Variants in HDAC9 observed in about 807,000 individuals in gnomAD.
HDAC9 encodes MEF-2 interacting transcription repressor (MITR) protein.
Under a neutral mutation model 139.4 loss-of-function variants are expected in HDAC9, and 41 were observed. The ratio of observed to expected loss-of-function variants is 0.29; its 90% CI spans 0.23 to 0.38. The LOEUF is 0.38. Among genes scored for constraint, HDAC9 ranks in the 10% least tolerant of loss-of-function variants. The pLI, the probability that HDAC9 is intolerant of heterozygous loss-of-function variation, is 1.00. For synonymous variants in HDAC9, 517 were observed against 476.2 expected, an observed-to-expected ratio of 1.09 and a Z score of -1.12; for missense variants, 1,147 against 1,297.0, an observed-to-expected ratio of 0.88 and a Z score of 1.78.
chr7:18,856,974 T>C (rs1037518248), intron 21 of HDAC9, among the ~76,000 whole-genome samples: 1 of 152,146 alleles, frequency 6.6e-6, no homozygotes, highest in Admixed American at 6.6e-5. Flanking sequence ...AGTTATTCAG[T>C]CTGTTCATAT....
intron 1 of HDAC9, among the ~76,000 whole-genome samples, chr7:18,354,749 C>G (rs1044154592): frequency 1.3e-5 from 2 of 152,146 alleles, no homozygotes; most frequent in African/African-American, 4.8e-5. Context: ...AAAACCTGAC[C>G]TCTGTGAAAA....
chr7:18,407,051 C>T (rs923125658), intron 1 of HDAC9, among the ~76,000 whole-genome samples: 5 of 152,070 alleles, frequency 3.3e-5, no homozygotes, highest in African/African-American at 7.2e-5. Context: ...ATAGACCCAG[C>T]TTAGGTATTC....
chr7:18,162,082 G>T lies in HDAC9; in HGVS notation c.-96-147G>T, dbSNP rs1275264103. 9 of 487,292 alleles carry T rather than the reference G, an allele frequency of 1.8e-5. No individual in the cohort carries two copies. The East Asian group carries it at 2.6e-4, about 14-fold the overall frequency. 30.2% of individuals were successfully genotyped at this position (487,292 alleles called of 1,614,324 possible). On this transcript the variant is annotated intron_variant, in intron 1 of 12. Transcript: ENST00000417496. ...TTGCTCTTTTTTAGATGAAGACTTA[G>T]AGACCTGTAAGGTTGATATGACTGC...
intron 2 of HDAC9, among the ~76,000 whole-genome samples, chr7:18,554,788 CTT>C (rs1818288029): frequency 6.6e-6 from 1 of 152,194 alleles, no homozygotes; most frequent in Admixed American, 6.5e-5. Flanking sequence ...AGCTTTCTCT[CTT>C]CTTAGACTGG....
At chr7:18,423,270 T>C (rs1166633108) in intron 1 of HDAC9, among the ~76,000 whole-genome samples, 1 of 152,236 alleles carries the variant, frequency 6.6e-6, no homozygotes, top group African/African-American at 2.4e-5. Context: ...TTTTATTTGC[T>C]GTGATTCTTT....
At chr7:18,167,091 A>G (rs1788060552) in intron 2 of HDAC9, among the ~76,000 whole-genome samples, 1 of 152,266 alleles carries the variant, frequency 6.6e-6, no homozygotes, top group Non-Finnish European at 1.5e-5. Flanking sequence ...CCAGGATAAT[A>G]AAACAAATTA....
chr7:18,563,469 C>A (rs530514396), intron 2 of HDAC9, among the ~76,000 whole-genome samples: 3 of 152,130 alleles, frequency 2.0e-5, no homozygotes, highest in Middle Eastern at 3.4e-3. Flanking sequence ...TTAGTTATTT[C>A]CCCATTTTCC....
At chr7:18,424,252 G>A (rs1005353246) in intron 1 of HDAC9, among the ~76,000 whole-genome samples, 2 of 152,140 alleles carry the variant, frequency 1.3e-5, no homozygotes, top group Admixed American at 1.3e-4. Context: ...GTAGTGAAAA[G>A]AATATAGAGG....
chr7:18,321,878 A>G (rs1022990601), intron 1 of HDAC9, among the ~76,000 whole-genome samples: 13 of 151,834 alleles, frequency 8.6e-5, no homozygotes, highest in African/African-American at 2.9e-4. Flanking sequence ...GAATTTATAT[A>G]AAAAGTAGGG....
intron 1 of HDAC9, among the ~76,000 whole-genome samples, chr7:18,485,296 A>G (rs1354231732): frequency 6.6e-6 from 1 of 152,140 alleles, no homozygotes; most frequent in African/African-American, 2.4e-5. Context: ...ATAGCCCAGC[A>G]TATTCCACCA....
chr7:18,916,031 A>AAAC (rs1803175793), intron 22 of HDAC9, among the ~76,000 whole-genome samples: 2 of 151,492 alleles, frequency 1.3e-5, no homozygotes, highest in African/African-American at 4.8e-5. Context: ...GGAAAAAAAA[A>AAAC]AAAAAAACAG....
intron 17 of HDAC9, among the ~76,000 whole-genome samples, chr7:18,819,689 A>C (rs1455405709): frequency 1.3e-5 from 2 of 152,256 alleles, no homozygotes; most frequent in African/African-American, 4.8e-5. Context: ...GCAAGAAAGT[A>C]GGAATGTGAG....
intron 12 of HDAC9, among the ~76,000 whole-genome samples, chr7:18,705,872 A>G (rs545784086): frequency 0.047 from 6,908 of 146,350 alleles, 930 homozygotes; most frequent in African/African-American, 0.17. Flanking sequence ...AATAAAATAA[A>G]ATAAAATAAA....
intron 1 of HDAC9, among the ~76,000 whole-genome samples, chr7:18,334,455 C>G (rs1357310376): frequency 6.6e-6 from 1 of 151,176 alleles, no homozygotes; most frequent in African/African-American, 2.4e-5. Context: ...TAATATAATC[C>G]TTATTATGTA....
At chr7:18,138,920 A>C (rs1232330183) in intron 1 of HDAC9, among the ~76,000 whole-genome samples, 1 of 152,088 alleles carries the variant, frequency 6.6e-6, no homozygotes, top group Admixed American at 6.6e-5. Flanking sequence ...GAGACATGGT[A>C]ATCTCAACAA....
intron 19 of HDAC9, among the ~76,000 whole-genome samples, chr7:18,833,084 A>G (rs1179909452): frequency 6.6e-6 from 1 of 152,190 alleles, no homozygotes; most frequent in Non-Finnish European, 1.5e-5. Flanking sequence ...GTTCCCCCAA[A>G]CAAAAGACAT....
At chr7:18,307,096 C>CT (rs1798962550) in intron 1 of HDAC9, among the ~76,000 whole-genome samples, 1 of 108,780 alleles carries the variant, frequency 9.2e-6, no homozygotes, top group African/African-American at 3.9e-5. Context: ...GAGGGCAGTT[C>CT]TTGTGTGTGT....
intron 2 of HDAC9, among the ~76,000 whole-genome samples, chr7:18,521,368 C>T (rs987853531): frequency 5.9e-5 from 9 of 152,094 alleles, no homozygotes; most frequent in Non-Finnish European, 1.3e-4. Flanking sequence ...AGAAGAAAAA[C>T]ACTTCTTGTT....
intron 14 of HDAC9, among the ~76,000 whole-genome samples, chr7:18,752,466 G>A (rs975772822): frequency 2.0e-5 from 3 of 152,202 alleles, no homozygotes; most frequent in Non-Finnish European, 4.4e-5. Flanking sequence ...AGGCTCAAGG[G>A]CATTACTTCT....
Sources: allele counts gnomAD v4.1 joint callset (sites outside exome capture counted in the v4.1 genomes callset), GRCh38; gene constraint gnomAD v4.1.1; transcripts MANE v1.5; gene names NCBI Gene and HGNC (gene_info 2026-07-23, HGNC 2026-07-21).